Variants in CAP2 observed in about 807,000 individuals in gnomAD.
CAP2 encodes the protein cyclase associated actin cytoskeleton regulatory protein 2.
Under a neutral mutation model 57.7 loss-of-function variants are expected in CAP2, and 24 were observed. The observed-to-expected ratio is 0.42, with a 90% CI of 0.30 to 0.58. The LOEUF is 0.58. Among genes scored for constraint, CAP2 ranks in the 20% least tolerant of loss-of-function variants. The pLI, the probability that CAP2 is intolerant of heterozygous loss-of-function variation, is 0.22. For synonymous variants in CAP2, 194 were observed against 207.2 expected, an observed-to-expected ratio of 0.94 and a Z score of 0.55; for missense variants, 501 against 590.3, an observed-to-expected ratio of 0.85 and a Z score of 1.57.
At position 17,513,620 on chromosome 6, in the gene CAP2, A is replaced by G. The variant is rs1200564730; in HGVS notation, c.531-229A>G. Among the ~76,000 whole-genome samples, 1 of 151,704 alleles carries G rather than the reference A, an allele frequency of 6.6e-6. No homozygotes were observed. Reference sequence around the variant, plus strand: ...CCTCTCTGTGGTACCTCTGCTCCATACCCGGAGCTCAGGGCATCCGGCCAC... The same window carrying G: ...CCTCTCTGTGGTACCTCTGCTCCATGCCCGGAGCTCAGGGCATCCGGCCAC... On this transcript the variant is annotated intron_variant, in intron 6 of 12. Coordinates refer to ENST00000229922, the MANE Select transcript of CAP2 (RefSeq NM_006366.3). The surrounding 1 kb of genome is among the most constrained non-coding windows in gnomAD (Gnocchi z 4.3).
At chr6:17,508,952 T>C (rs1419798216) in intron 6 of CAP2, among the ~76,000 whole-genome samples, 1 of 151,934 alleles carries the variant, frequency 6.6e-6, no homozygotes, top group Non-Finnish European at 1.5e-5. Context: ...GAGACGGAGT[T>C]TCACCATATT....
At chr6:17,447,392 G>C (rs1178057026) in intron 3 of CAP2, among the ~76,000 whole-genome samples, 1 of 152,146 alleles carries the variant, frequency 6.6e-6, no homozygotes, top group East Asian at 1.9e-4. Flanking sequence ...ATATTAGTAA[G>C]AGAGGCAATT....
At chr6:17,439,516 C>T (rs566982644) in intron 3 of CAP2, among the ~76,000 whole-genome samples, 5 of 151,302 alleles carry the variant, frequency 3.3e-5, no homozygotes, top group African/African-American at 4.9e-5. Context: ...TTCTGTGGAC[C>T]GGGGAGAGGG....
chr6:17,425,486 A>G (rs1759566462), intron 2 of CAP2, among the ~76,000 whole-genome samples: 1 of 152,140 alleles, frequency 6.6e-6, no homozygotes, highest in Non-Finnish European at 1.5e-5. Flanking sequence ...AGAGTTCATT[A>G]TTACCTTCTG....
At chr6:17,429,423 A>AT (rs1245096718) in intron 3 of CAP2, among the ~76,000 whole-genome samples, 1 of 152,232 alleles carries the variant, frequency 6.6e-6, no homozygotes, top group Non-Finnish European at 1.5e-5. Flanking sequence ...ACAAGAGAAT[A>AT]ATGAGACCTA....
At chr6:17,424,099 A>C (rs548900666) in intron 2 of CAP2, among the ~76,000 whole-genome samples, 1 of 152,248 alleles carries the variant, frequency 6.6e-6, no homozygotes, top group Admixed American at 6.5e-5. Flanking sequence ...TTTAAAAGAA[A>C]CTTGAAAATG....
chr6:17,548,568 T>C (rs1417312084), intron 11 of CAP2, among the ~76,000 whole-genome samples: 1 of 152,218 alleles, frequency 6.6e-6, no homozygotes. Flanking sequence ...TGGTCTCAGC[T>C]ATTTAATGTG....
chr6:17,408,509 A>G (rs528389135), intron 1 of CAP2, among the ~76,000 whole-genome samples: 2 of 152,108 alleles, frequency 1.3e-5, no homozygotes, highest in Non-Finnish European at 2.9e-5. Context: ...ATCAGATTTC[A>G]ACATAAGTTT....
intron 4 of CAP2, chr6:17,493,379 GC>G: frequency 2.7e-6 from 1 of 369,364 alleles, no homozygotes; most frequent in Non-Finnish European, 5.6e-6. Flanking sequence ...CTCTCTACAG[GC>G]CAACAAGTTT....
chr6:17,527,152 A>G (rs1268526002), intron 7 of CAP2, among the ~76,000 whole-genome samples: 1 of 152,126 alleles, frequency 6.6e-6, no homozygotes, highest in Non-Finnish European at 1.5e-5. Context: ...CTAAGTATAG[A>G]TAATTGGAGA....
At chr6:17,460,738 C>T (rs114328230) in intron 3 of CAP2, among the ~76,000 whole-genome samples, 3,257 of 152,170 alleles carry the variant, frequency 0.021, 122 homozygotes, top group African/African-American at 0.074. Context: ...TACATCTCTA[C>T]GATTCAATCA....
At chr6:17,493,653 A>G (rs1761597010) in intron 4 of CAP2, 1 of 156,306 alleles carries the variant, frequency 6.4e-6, no homozygotes. Context: ...AATTGTACTG[A>G]ATACAGGAAC....
chr6:17,488,718 C>G (rs1157489072), intron 4 of CAP2, among the ~76,000 whole-genome samples: 1 of 152,192 alleles, frequency 6.6e-6, no homozygotes, highest in African/African-American at 2.4e-5. Context: ...GCCATAGTTT[C>G]AATCACATCA....
intron 4 of CAP2, among the ~76,000 whole-genome samples, chr6:17,475,914 A>G (rs942183160): frequency 2.6e-5 from 4 of 152,248 alleles, no homozygotes; most frequent in African/African-American, 7.2e-5. Flanking sequence ...GAATCTCTAT[A>G]TAGAATAATG....
At chr6:17,502,276 G>A (rs1267803655) in intron 4 of CAP2, among the ~76,000 whole-genome samples, 1 of 152,060 alleles carries the variant, frequency 6.6e-6, no homozygotes, top group Non-Finnish European at 1.5e-5. Context: ...ACCTCTCATA[G>A]ACCCCCCATT....
intron 7 of CAP2, chr6:17,531,303 G>A (rs1354528536): frequency 8.3e-6 from 8 of 963,564 alleles, no homozygotes; most frequent in African/African-American, 1.6e-5. Flanking sequence ...TTGACGAAGG[G>A]AAGAAGCTGC....
Position 17,556,509 on chromosome 6 carries a change from A to C in CAP2, c.*67A>C. 2 of 1,157,894 alleles carry C rather than the reference A, an allele frequency of 1.7e-6. No individual in the cohort carries two copies. The highest frequency in any genetic ancestry group is 2.5e-5 in the South Asian group (2 of 81,584). 71.7% of individuals were successfully genotyped at this position (1,157,894 alleles called of 1,614,324 possible). ...TCAAACAAACAAAAAAGCAGCAGTA[A>C]AGAGCTAGAAGTTGCAGTAGCCCCT... On this transcript the variant is annotated 3_prime_UTR_variant, in exon 13 of 13. Coordinates refer to ENST00000229922, the MANE Select transcript of CAP2 (RefSeq NM_006366.3).
rs574159173 is a variant in CAP2, at chr6:17,439,770, C to G, written c.222+13080C>G. 5.6e-4 allele frequency among the ~76,000 whole-genome samples: 85 copies of G among 151,396 alleles called. 4 individuals carry two copies. The highest frequency in any genetic ancestry group is 2.0e-3 in the African/African-American group (81 of 40,850). On this transcript the variant is annotated intron_variant, in intron 3 of 12. Coordinates refer to ENST00000229922, the MANE Select transcript of CAP2 (RefSeq NM_006366.3). ...TGCTGATCTCACAGGTGGTGGAGCT[C>G]GGGCGGTAATGCAAGCGATGGGGAG...
intron 1 of CAP2, among the ~76,000 whole-genome samples, chr6:17,401,247 C>G (rs1490944308): frequency 6.6e-6 from 1 of 152,082 alleles, no homozygotes; most frequent in Non-Finnish European, 1.5e-5. Context: ...CAAGGGAGAC[C>G]CTTTGCTCCT....
Sources: gnomAD v4.1 joint callset for allele counts (sites outside exome capture counted in the v4.1 genomes callset) on GRCh38, gnomAD v4.1.1 for gene constraint, Gnocchi (gnomAD v3.1) non-coding constraint, MANE v1.5 for transcripts, NCBI Gene and HGNC (gene_info 2026-07-23, HGNC 2026-07-21) for gene names.